Variants in ACKR2 observed in about 807,000 individuals in gnomAD.
The protein encoded by ACKR2 is atypical chemokine receptor 2, also known as C-C chemokine receptor D6.
For synonymous variants in ACKR2, 207 were observed against 192.2 expected (o/e 1.08, Z -0.64); for missense variants, 457 against 477.3 (o/e 0.96, Z 0.40).
intron 1 of ACKR2, among the ~76,000 whole-genome samples, chr3:42,818,825 G>C (rs1369994079): frequency 6.6e-6 from 1 of 152,210 alleles, no homozygotes; most frequent in Non-Finnish European, 1.5e-5. Context: ...GCCTCCTAAA[G>C]TGTTGGGATT....
At chr3:42,862,226 A>G (rs1438877093) in intron 2 of ACKR2, among the ~76,000 whole-genome samples, 3 of 152,250 alleles carry the variant, frequency 2.0e-5, no homozygotes, top group Non-Finnish European at 4.4e-5. Flanking sequence ...AGTAACAGAC[A>G]GAGAGCTAAA....
chr3:42,843,178 G>A (rs921862278), intron 2 of ACKR2, among the ~76,000 whole-genome samples: 12 of 151,674 alleles, frequency 7.9e-5, no homozygotes, highest in African/African-American at 2.4e-4. Flanking sequence ...AGGCTCAAGC[G>A]ATTCTCCTGC....
chr3:42,839,338 C>G (rs1575383249), intron 2 of ACKR2: 1 of 152,072 alleles, frequency 6.6e-6, no homozygotes, highest in South Asian at 2.1e-4. Flanking sequence ...CAGTCTGGAG[C>G]TCCGAATCAA....
intron 2 of ACKR2, among the ~76,000 whole-genome samples, chr3:42,823,452 C>T (rs1280602506): frequency 6.6e-6 from 1 of 152,194 alleles, no homozygotes; most frequent in Non-Finnish European, 1.5e-5. Context: ...ATTCAAGTGT[C>T]TCTCTCCTGT....
chr3:42,847,178 T>A (rs962710887), intron 2 of ACKR2, among the ~76,000 whole-genome samples: 2 of 152,210 alleles, frequency 1.3e-5, no homozygotes, highest in Non-Finnish European at 2.9e-5. Flanking sequence ...AATGAATACA[T>A]ATATTGATTT....
rs1701166461 is a variant in ACKR2 at position 42,852,061 on chromosome 3, C to G, written c.-37-12405C>G. 6.6e-6 allele frequency among the ~76,000 whole-genome samples: 1 copy of G among 152,168 alleles called. No homozygotes were observed. Among genetic ancestry groups the G allele is most frequent in the Admixed American group, 6.6e-5 (1 of 15,262 alleles). On this transcript the variant is annotated intron_variant, in intron 2 of 2. Coordinates refer to ENST00000422265, the MANE Select transcript of ACKR2 (RefSeq NM_001296.5). The surrounding 1 kb of genome is among the most constrained non-coding windows in gnomAD (Gnocchi z 4.3). ...GAGAACCAATAGTATATGCCAGGCCCTTAGTTTACCATAATAACCCTGCAA... is the reference window on the plus strand; with the variant it reads ...GAGAACCAATAGTATATGCCAGGCCGTTAGTTTACCATAATAACCCTGCAA...
intron 2 of ACKR2, among the ~76,000 whole-genome samples, chr3:42,837,658 C>T (rs1235891022): frequency 6.6e-6 from 1 of 152,196 alleles, no homozygotes; most frequent in Non-Finnish European, 1.5e-5. Context: ...CATTAGTCCA[C>T]TCATACTCTC....
rs189203964 is a variant in ACKR2 at position 42,865,451 on chromosome 3, C to T, written c.949C>T (p.His317Tyr). ...CCCCATCCTGTATGCCTTCTCCAGT[C>T]ACCGCTTCCGCCAGTACCTGAAGGC... ...FSPILYAFSS[H>Y]RFRQYLKAFL... is the part of the protein sequence containing the mutation. The change falls in exon 3 of 3, where the codon CAC becomes TAC. Residue 317 changes from histidine to tyrosine, a missense_variant. Physicochemically the swap from His to Tyr is moderately conservative, Grantham distance 83. Transcript: ENST00000422265. The T allele has an allele frequency of 1.4e-4, 233 of 1,614,218 alleles. No homozygotes were observed. The Middle Eastern group carries it at 1.6e-3, about 11-fold the overall frequency.
chr3:42,859,711 C>T (rs550064579), intron 2 of ACKR2, among the ~76,000 whole-genome samples: 100 of 152,140 alleles, frequency 6.6e-4, no homozygotes, highest in Non-Finnish European at 1.3e-3. Context: ...GAATTTTCAA[C>T]CCAGAATTTC....
chr3:42,818,470 A>C (rs1206149515), intron 1 of ACKR2, among the ~76,000 whole-genome samples: 1 of 152,194 alleles, frequency 6.6e-6, no homozygotes, highest in Non-Finnish European at 1.5e-5. Flanking sequence ...GCTCTGAGCA[A>C]ACTGGCCCAG....
At chr3:42,814,508 T>C (rs1360316683) in intron 1 of ACKR2, among the ~76,000 whole-genome samples, 2 of 152,268 alleles carry the variant, frequency 1.3e-5, no homozygotes, top group Non-Finnish European at 2.9e-5. Context: ...TGTCTGTTTA[T>C]GCTGAGGCCC....
At chr3:42,856,506 G>A (rs1171697059) in intron 2 of ACKR2, 2 of 679,496 alleles carry the variant, frequency 2.9e-6, no homozygotes, top group South Asian at 1.6e-5. Context: ...ATCAGAAAGG[G>A]CTAAGGAAAA....
At chr3:42,826,978 T>C (rs992334599) in intron 2 of ACKR2, among the ~76,000 whole-genome samples, 2 of 152,206 alleles carry the variant, frequency 1.3e-5, no homozygotes, top group Non-Finnish European at 2.9e-5. Context: ...CTTTGACCCA[T>C]TGGTTATTTA....
At chr3:42,844,794 T>A (rs563351248) in intron 2 of ACKR2, among the ~76,000 whole-genome samples, 20 of 152,310 alleles carry the variant, frequency 1.3e-4, no homozygotes, top group Non-Finnish European at 1.3e-4. Flanking sequence ...TTAATTGCAG[T>A]CACTGTGAGG....
chr3:42,812,229 G>A (rs1298458786), intron 1 of ACKR2, among the ~76,000 whole-genome samples: 2 of 152,156 alleles, frequency 1.3e-5, no homozygotes, highest in Non-Finnish European at 2.9e-5. Flanking sequence ...AACGGCCCTT[G>A]TTTGGCTAGG....
intron 2 of ACKR2, among the ~76,000 whole-genome samples, chr3:42,848,169 T>C (rs1280396642): frequency 6.8e-6 from 1 of 147,198 alleles, no homozygotes; most frequent in East Asian, 2.0e-4. Context: ...TTCATACTAA[T>C]ATAAATACTT....
chr3:42,848,712 ATACT>A (rs1402937253), intron 2 of ACKR2, among the ~76,000 whole-genome samples: 1 of 152,190 alleles, frequency 6.6e-6, no homozygotes, highest in Non-Finnish European at 1.5e-5. Flanking sequence ...AAGTAGCAAG[ATACT>A]TACTAATTAC....
intron 2 of ACKR2, among the ~76,000 whole-genome samples, chr3:42,846,095 C>T (rs1318095982): frequency 3.3e-5 from 5 of 151,954 alleles, no homozygotes; most frequent in Admixed American, 2.6e-4. Flanking sequence ...ACATCGGGTT[C>T]GTGGGAGGAT....
intron 1 of ACKR2, among the ~76,000 whole-genome samples, chr3:42,816,580 T>C (rs6442084): frequency 0.99 from 149,365 of 151,512 alleles, 73,665 homozygotes; most frequent in Middle Eastern, 1. Context: ...TTTTTTAAGG[T>C]AGAGTCTTGC....
Sources: allele counts gnomAD v4.1 joint callset (sites outside exome capture counted in the v4.1 genomes callset), GRCh38; gene constraint gnomAD v4.1.1; non-coding constraint Gnocchi (gnomAD v3.1); transcripts MANE v1.5; gene names NCBI Gene and HGNC (gene_info 2026-07-23, HGNC 2026-07-21).